MAGI2: variants seen among roughly 807,000 people sequenced by gnomAD.
The protein encoded by MAGI2 is membrane-associated guanylate kinase, WW and PDZ domain-containing protein 2.
A neutral mutation model predicts 133.3 loss-of-function variants in MAGI2; 35 were observed. That is an observed-to-expected ratio of 0.26 (90% CI 0.20 to 0.35). The LOEUF (loss-of-function observed/expected upper bound fraction) is 0.35, where lower values mean the gene tolerates loss of function less well. MAGI2 is among the 10% of genes least tolerant of loss of function. MAGI2 has a pLI of 1.00. For synonymous variants in MAGI2, 729 were observed against 710.6 expected (o/e 1.03, Z -0.41); for missense variants, 1,636 against 1,863.4 (o/e 0.88, Z 2.25).
intron 6 of MAGI2, among the ~76,000 whole-genome samples, chr7:78,403,008 T>A (rs1562948672): frequency 6.6e-6 from 1 of 152,224 alleles, no homozygotes. Flanking sequence ...TAACTTTTTT[T>A]TTAAAATTAT....
chr7:79,097,591 A>G (rs1817628217), intron 1 of MAGI2, among the ~76,000 whole-genome samples: 1 of 152,196 alleles, frequency 6.6e-6, no homozygotes, highest in Non-Finnish European at 1.5e-5. Flanking sequence ...AAAGCAGATA[A>G]CAGAGGCTAA....
At chr7:78,249,954 C>T (rs1295550333) in intron 10 of MAGI2, among the ~76,000 whole-genome samples, 2 of 151,718 alleles carry the variant, frequency 1.3e-5, no homozygotes, top group Non-Finnish European at 2.9e-5. Context: ...CATCATATAC[C>T]CCATAAATAT....
chr7:79,301,658 T>C (rs1276534616), intron 1 of MAGI2, among the ~76,000 whole-genome samples: 1 of 152,210 alleles, frequency 6.6e-6, no homozygotes, highest in Non-Finnish European at 1.5e-5. Context: ...GCTAAGACTT[T>C]GAGGAGCTAT....
intron 6 of MAGI2, among the ~76,000 whole-genome samples, chr7:78,480,734 A>G (rs1323386449): frequency 2.6e-5 from 4 of 151,954 alleles, no homozygotes; most frequent in South Asian, 2.1e-4. Flanking sequence ...CATGAGATCT[A>G]TGACCAACAC....
chr7:78,581,781 C>T (rs984669987), intron 3 of MAGI2, among the ~76,000 whole-genome samples: 1 of 152,014 alleles, frequency 6.6e-6, no homozygotes, highest in African/African-American at 2.4e-5. Context: ...AAAACCTGTG[C>T]ATTTTTTTTT....
chr7:79,446,212 T>C (rs1322472567), intron 1 of MAGI2, among the ~76,000 whole-genome samples: 3 of 152,138 alleles, frequency 2.0e-5, no homozygotes, highest in Non-Finnish European at 4.4e-5. Context: ...ATATACCTAA[T>C]GTTAAATGAC....
intron 1 of MAGI2, among the ~76,000 whole-genome samples, chr7:79,250,456 G>A (rs1480017906): frequency 2.6e-5 from 4 of 151,178 alleles, no homozygotes; most frequent in Non-Finnish European, 4.4e-5. Flanking sequence ...TAACAAAAGC[G>A]AACAATCTGA....
chr7:78,927,934 G>T (rs1799838646), intron 2 of MAGI2, among the ~76,000 whole-genome samples: 2 of 151,690 alleles, frequency 1.3e-5, no homozygotes, highest in Admixed American at 1.3e-4. Context: ...TATCCCTAAG[G>T]TGCCATATGC....
At chr7:78,232,704 A>C (rs1790109823) in intron 10 of MAGI2, among the ~76,000 whole-genome samples, 1 of 152,212 alleles carries the variant, frequency 6.6e-6, no homozygotes, top group African/African-American at 2.4e-5. Context: ...AATGATAAAG[A>C]TTCTTATAGG....
chr7:79,070,695 G>A (rs1190724727), intron 1 of MAGI2, among the ~76,000 whole-genome samples: 1 of 151,770 alleles, frequency 6.6e-6, no homozygotes, highest in Non-Finnish European at 1.5e-5. Flanking sequence ...GTTTCACTGT[G>A]TTAGCCAGGA....
At chr7:78,213,318 A>G (rs1787950457) in intron 10 of MAGI2, among the ~76,000 whole-genome samples, 1 of 152,170 alleles carries the variant, frequency 6.6e-6, no homozygotes, top group Non-Finnish European at 1.5e-5. Flanking sequence ...TCCCCAGGTG[A>G]CTAATGCACA....
At chr7:79,088,648 G>T (rs1816756044) in intron 1 of MAGI2, among the ~76,000 whole-genome samples, 1 of 152,072 alleles carries the variant, frequency 6.6e-6, no homozygotes. Flanking sequence ...CTGTGGGTTT[G>T]TCATAAATAG....
chr7:79,224,765 C>T (rs758456506), intron 1 of MAGI2, among the ~76,000 whole-genome samples: 20 of 152,044 alleles, frequency 1.3e-4, no homozygotes, highest in East Asian at 1.9e-4. Context: ...TTGGAAAAGG[C>T]GAAATTGTGG....
intron 1 of MAGI2, among the ~76,000 whole-genome samples, chr7:79,206,343 GA>G (rs1300876071): frequency 6.6e-6 from 1 of 151,152 alleles, no homozygotes; most frequent in Non-Finnish European, 1.5e-5. Flanking sequence ...TAACCTAAGA[GA>G]AAAAAGAAAA....
chr7:78,833,994 T>C (rs576640887), intron 2 of MAGI2, among the ~76,000 whole-genome samples: 1 of 152,330 alleles, frequency 6.6e-6, no homozygotes, highest in East Asian at 1.9e-4. Flanking sequence ...TTATGTCCCC[T>C]ATACTTTAAA....
intron 1 of MAGI2, among the ~76,000 whole-genome samples, chr7:79,011,397 C>G (rs1471761925): frequency 6.6e-6 from 1 of 152,154 alleles, no homozygotes; most frequent in Non-Finnish European, 1.5e-5. Context: ...GCAAATGCCA[C>G]TCTTTCAAAA....
intron 6 of MAGI2, among the ~76,000 whole-genome samples, chr7:78,466,827 C>T (rs377602220): frequency 4.6e-5 from 7 of 152,074 alleles, no homozygotes; most frequent in African/African-American, 1.4e-4. Flanking sequence ...GAAAGGCACT[C>T]GGCAGAGAGT....
chr7:79,225,445 A>G (rs1830770222), intron 1 of MAGI2, among the ~76,000 whole-genome samples: 1 of 152,204 alleles, frequency 6.6e-6, no homozygotes, highest in African/African-American at 2.4e-5. Flanking sequence ...TATTAGAAAT[A>G]GTGCAACGAA....
intron 1 of MAGI2, among the ~76,000 whole-genome samples, chr7:79,172,382 C>T (rs1825700966): frequency 6.6e-6 from 1 of 151,990 alleles, no homozygotes; most frequent in African/African-American, 2.4e-5. Context: ...CAGTAATTGA[C>T]ATGAAAATCT....
Sources: gnomAD v4.1 joint callset for allele counts (sites outside exome capture counted in the v4.1 genomes callset) on GRCh38, gnomAD v4.1.1 for gene constraint, MANE v1.5 for transcripts, NCBI Gene and HGNC (gene_info 2026-07-23, HGNC 2026-07-21) for gene names.